KLF12: variants seen among roughly 807,000 people sequenced by gnomAD.
KLF12 encodes KLF transcription factor 12.
A neutral mutation model predicts 37.8 loss-of-function variants in KLF12; 9 were observed. The ratio of observed to expected loss-of-function variants is 0.24; its 90% CI spans 0.14 to 0.42. KLF12 has a LOEUF of 0.42. KLF12 is among the 10% of genes least tolerant of loss of function. The pLI, the probability that KLF12 is intolerant of heterozygous loss-of-function variation, is 1.00. For synonymous variants in KLF12, 208 were observed against 202.1 expected (o/e 1.03, Z -0.25); for missense variants, 411 against 516.0 (o/e 0.80, Z 1.97).
chr13:73,960,798 A>G (rs996371367), intron 2 of KLF12, among the ~76,000 whole-genome samples: 1 of 152,188 alleles, frequency 6.6e-6, no homozygotes, highest in Non-Finnish European at 1.5e-5. Context: ...TCTATGTTAT[A>G]CTGTTAACTC....
the KLF12 span, among the ~76,000 whole-genome samples, chr13:74,204,380 G>A: frequency 1.3e-5 from 2 of 152,050 alleles, no homozygotes; most frequent in Admixed American, 1.3e-4. Flanking sequence ...GGCTTTTGAT[G>A]TAACCATCAC....
At chr13:74,215,427 C>CTTTTTTTTTTTTTTTTTTTT in the KLF12 span, among the ~76,000 whole-genome samples, 1 of 60,382 alleles carries the variant, frequency 1.7e-5, no homozygotes. Context: ...CCTCTGGGTT[C>CTTTTTTTTTTTTTTTTTTTT]TTTTTTTTTT....
chr13:74,304,349 G>A, the KLF12 span, among the ~76,000 whole-genome samples: 1 of 152,030 alleles, frequency 6.6e-6, no homozygotes, highest in Non-Finnish European at 1.5e-5. Context: ...GCAGTACTTT[G>A]CGGACCTTCT....
chr13:74,082,620 T>C (rs1874982295), intron 1 of KLF12, among the ~76,000 whole-genome samples: 1 of 152,142 alleles, frequency 6.6e-6, no homozygotes, highest in South Asian at 2.1e-4. Flanking sequence ...CAAATACAAG[T>C]TGTTTTTAGT....
At chr13:74,253,047 C>T in the KLF12 span, among the ~76,000 whole-genome samples, 5 of 152,002 alleles carry the variant, frequency 3.3e-5, no homozygotes, top group South Asian at 1.0e-3. Context: ...ACCTATCTAT[C>T]TATCATCTAT....
At chr13:74,136,058 GCGT>G (rs1878544197), upstream of KLF12, among the ~76,000 whole-genome samples, 1 of 152,228 alleles carries the variant, frequency 6.6e-6, no homozygotes, top group Non-Finnish European at 1.5e-5. Flanking sequence ...AGCCTAAGAT[GCGT>G]CTTAGGAAGG....
chr13:73,765,613 G>T (rs1879859229), intron 5 of KLF12, among the ~76,000 whole-genome samples: 1 of 152,156 alleles, frequency 6.6e-6, no homozygotes, highest in African/African-American at 2.4e-5. Flanking sequence ...AAGGAGAAGT[G>T]AAGAATATAT....
chr13:74,126,405 A>G (rs1877944524), intron 1 of KLF12, among the ~76,000 whole-genome samples: 1 of 152,204 alleles, frequency 6.6e-6, no homozygotes, highest in South Asian at 2.1e-4. Flanking sequence ...GCCATTATAT[A>G]CAATCTATTA....
At chr13:74,194,694 G>C in the KLF12 span, among the ~76,000 whole-genome samples, 2 of 152,156 alleles carry the variant, frequency 1.3e-5, no homozygotes, top group Non-Finnish European at 2.9e-5. Context: ...GGGCCAAGAG[G>C]GGGCCTAGAT....
intron 5 of KLF12, among the ~76,000 whole-genome samples, chr13:73,795,939 G>C (rs1044174149): frequency 2.6e-5 from 4 of 152,198 alleles, no homozygotes; most frequent in Non-Finnish European, 5.9e-5. Flanking sequence ...ATAGTAAACA[G>C]AGAGGAGGAG....
chr13:74,110,223 C>T (rs1191367499), intron 1 of KLF12, among the ~76,000 whole-genome samples: 1 of 152,162 alleles, frequency 6.6e-6, no homozygotes, highest in African/African-American at 2.4e-5. Context: ...CTTCCTGCCT[C>T]GCCCAGAGCT....
the KLF12 span, among the ~76,000 whole-genome samples, chr13:74,228,175 G>A: frequency 6.6e-6 from 1 of 152,176 alleles, no homozygotes; most frequent in African/African-American, 2.4e-5. Flanking sequence ...AACTATCTAT[G>A]TCTGAGGAAT....
chr13:73,890,319 TTC>T (rs1422490517), intron 3 of KLF12, among the ~76,000 whole-genome samples: 5 of 152,120 alleles, frequency 3.3e-5, no homozygotes, highest in African/African-American at 7.2e-5. Flanking sequence ...CTTAAAAAGT[TTC>T]TGTGTGTTTG....
At chr13:73,817,031 T>C (rs1439898823) in intron 4 of KLF12, among the ~76,000 whole-genome samples, 2 of 152,222 alleles carry the variant, frequency 1.3e-5, no homozygotes, top group East Asian at 1.9e-4. Context: ...CCTGCTGTTT[T>C]AGGCTGGGTG....
intron 7 of KLF12, among the ~76,000 whole-genome samples, chr13:73,704,362 CT>C: frequency 6.6e-6 from 1 of 152,302 alleles, no homozygotes; most frequent in Middle Eastern, 3.4e-3. Context: ...TCCGGTTTTT[CT>C]GGAAAAACAG....
chr13:74,149,260 C>A, the KLF12 span, among the ~76,000 whole-genome samples: 34 of 152,270 alleles, frequency 2.2e-4, no homozygotes, highest in Admixed American at 1.8e-3. Flanking sequence ...ATTCTACTGC[C>A]TATTCTATAG....
intron 3 of KLF12, among the ~76,000 whole-genome samples, chr13:73,855,724 C>T (rs1455425130): frequency 2.0e-5 from 3 of 152,138 alleles, no homozygotes; most frequent in African/African-American, 4.8e-5. Flanking sequence ...GTATAAGCAC[C>T]TCATTTTCTC....
chr13:73,999,408 C>T (rs944304210), intron 1 of KLF12, among the ~76,000 whole-genome samples: 6 of 152,128 alleles, frequency 3.9e-5, no homozygotes, highest in Admixed American at 2.0e-4. Flanking sequence ...TACACACCTA[C>T]TTTCTAGCAT....
the KLF12 span, among the ~76,000 whole-genome samples, chr13:74,146,748 T>C: frequency 1.3e-5 from 2 of 152,234 alleles, no homozygotes; most frequent in Non-Finnish European, 2.9e-5. Flanking sequence ...TTGATGTGTA[T>C]TTTCTCATTT....
Sources: gnomAD v4.1 joint callset for allele counts (sites outside exome capture counted in the v4.1 genomes callset) on GRCh38, gnomAD v4.1.1 for gene constraint, MANE v1.5 for transcripts, NCBI Gene and HGNC (gene_info 2026-07-23, HGNC 2026-07-21) for gene names.